Variants in SALL4 observed in about 807,000 individuals in gnomAD.
SALL4 encodes sal-like protein 4.
Under a neutral mutation model 60.8 loss-of-function variants are expected in SALL4, and 4 were observed. The observed-to-expected ratio is 0.07, with a 90% CI of 0.03 to 0.15. The LOEUF (loss-of-function observed/expected upper bound fraction) is 0.15. Among genes scored for constraint, SALL4 ranks in the 10% least tolerant of loss-of-function variants. SALL4 has a pLI of 1.00. For synonymous variants in SALL4, 580 were observed against 574.9 expected (o/e 1.01, Z -0.13); for missense variants, 1,178 against 1,394.7 (o/e 0.84, Z 2.48).
intron 1 of SALL4, among the ~76,000 whole-genome samples, chr20:51,795,081 G>A (rs989463027): frequency 2.0e-5 from 3 of 152,150 alleles, no homozygotes; most frequent in Non-Finnish European, 4.4e-5. Context: ...TAGAGTTCTA[G>A]TAGCAGGTAC....
rs767816886 is a variant in SALL4, at chr20:51,788,982, C to A, written c.2621G>T (p.Arg874Leu). 1 of 1,614,080 alleles carries A rather than the reference C, an allele frequency of 6.2e-7. No individual in the cohort carries two copies. The highest frequency in any genetic ancestry group is 2.2e-5 in the East Asian group (1 of 44,896). ...AGCAGACGAGAAGTTCTTCCCACAC[C>A]GTGTGCAGCCATGTTGCTTGGCCTG... Reference protein sequence around the residue: ...RRQAKQHGCTRCGKNFSSASA... With the variant: ...RRQAKQHGCTLCGKNFSSASA... Residue 874 changes from arginine to leucine, a missense_variant, in exon 3 of 4, where the codon CGG (arginine) becomes CTG (leucine). By Grantham distance (102) the Arg-to-Leu change is moderately radical. Transcript: ENST00000217086. The surrounding 1 kb of genome is among the most constrained non-coding windows in gnomAD (Gnocchi z 4.1).
intron 3 of SALL4, among the ~76,000 whole-genome samples, chr20:51,786,995 T>C (rs2077997316): frequency 6.6e-6 from 1 of 152,176 alleles, no homozygotes; most frequent in Non-Finnish European, 1.5e-5. Context: ...CTCAGGAGGC[T>C]GAGGCAGGAG....
Position 51,790,110 on chromosome 20 carries a change from G to A in SALL4, c.2373C>T (p.Ala791=), listed in dbSNP as rs1307274926. The stretch of plus-strand genomic sequence containing the variant: ...ACTTGATGCTTTCGGCTTGACTATT[G>A]GCCGGGGAGAGTGCCTGGAAGGATG... ...ETTSFQALSP[A]NSQAESIKSK... The change falls in exon 2 of 4, where the codon GCC becomes GCT. Residue 791 remains alanine, a synonymous_variant. Coordinates refer to ENST00000217086, the MANE Select transcript of SALL4 (RefSeq NM_020436.5). This position sits in a 1 kb window ranked among gnomAD's most constrained non-coding sequence, Gnocchi z 5.5. 2.5e-6 allele frequency: 4 copies of A among 1,614,040 alleles called. No homozygotes were observed. The Admixed American group carries it at 5.0e-5, about 20-fold the overall frequency.
intron 3 of SALL4, among the ~76,000 whole-genome samples, chr20:51,785,464 C>A (rs537229386): frequency 6.6e-6 from 1 of 152,274 alleles, no homozygotes; most frequent in East Asian, 1.9e-4. Context: ...CAGGGACTGT[C>A]TGCACTTTAT....
At chr20:51,792,631 G>T in intron 1 of SALL4, 1 of 570,186 alleles carries the variant, frequency 1.8e-6, no homozygotes, top group Non-Finnish European at 2.7e-6. Context: ...AGAGGTTGCA[G>T]TGAGCTGAGA....
chr20:51,788,926 T>A lies in SALL4; in HGVS notation c.2677A>T (p.Thr893Ser). 1 of 1,614,182 alleles carries A rather than the reference T, an allele frequency of 6.2e-7. No individual in the cohort carries two copies. The highest frequency in any genetic ancestry group is 8.5e-7 in the Non-Finnish European group (1 of 1,180,028). The change falls in exon 3 of 4, where the codon ACT becomes TCT. Residue 893 changes from threonine to serine, a missense_variant. This residue lies in a region of SALL4 where 37 missense variants were observed against 73.5 expected (regional missense o/e 0.50). Coordinates refer to ENST00000217086, the MANE Select transcript of SALL4 (RefSeq NM_020436.5). This position sits in a 1 kb window ranked among gnomAD's most constrained non-coding sequence, Gnocchi z 4.1. ...SALQIHERTH[T>S]GEKPFVCNIC... is the part of the protein sequence containing the mutation. ...TTGCACACAAAAGGCTTCTCTCCAG[T>A]GTGAGTCCGCTCGTGGATCTGAAGA...
In SALL4 at chr20:51,784,446, C is replaced by A; in HGVS notation, c.2981G>T (p.Gly994Val). 1 of 1,614,184 alleles carries A rather than the reference C, an allele frequency of 6.2e-7. No individual in the cohort carries two copies. The highest frequency in any genetic ancestry group is 8.5e-7 in the Non-Finnish European group (1 of 1,180,036). The change falls in exon 4 of 4, where the codon GGG becomes GTG. Residue 994 changes from glycine to valine, a missense_variant. This residue lies in a region of SALL4 where 174 missense variants were observed against 169.6 expected (regional missense o/e 1.03). Coordinates refer to ENST00000217086, the MANE Select transcript of SALL4 (RefSeq NM_020436.5). The stretch of plus-strand genomic sequence containing the variant: ...CAAGGAAACCGGGAGGGTAGGAACC[C>A]CCCCACTCTGGATCACAGAGATCTC... ...TNEISVIQSGGVPTLPVSLGA... is the reference protein window; with the variant it reads ...TNEISVIQSGVVPTLPVSLGA...
chr20:51,799,293 A>T (rs572412667), intron 1 of SALL4, among the ~76,000 whole-genome samples: 6 of 152,200 alleles, frequency 3.9e-5, no homozygotes, highest in Non-Finnish European at 7.3e-5. Flanking sequence ...AAACAAAAAA[A>T]CAGAAAACGC....
chr20:51,786,281 A>G (rs1219241941), intron 3 of SALL4, among the ~76,000 whole-genome samples: 1 of 151,570 alleles, frequency 6.6e-6, no homozygotes, highest in Non-Finnish European at 1.5e-5. Flanking sequence ...TTTTTAGTAG[A>G]GACAGGGTTT....
intron 2 of SALL4, 33 bp downstream of exon 2, chr20:51,789,989 A>T (rs1362649424): frequency 1.2e-6 from 2 of 1,613,866 alleles, no homozygotes; most frequent in East Asian, 4.5e-5. Flanking sequence ...TTGAGCCCAA[A>T]ATGGACATAA....
Position 51,792,043 on chromosome 20 carries a change from G to A in SALL4, c.440C>T (p.Pro147Leu), listed in dbSNP as rs779540478. ...TAGGTACACCACAGACTCCGCATCC[G>A]GCTTCTCCTTCATGTCCTCTGAGCT... ...GGSSEDMKEKPDAESVVYLKT... is the reference protein window; with the variant it reads ...GGSSEDMKEKLDAESVVYLKT... The change falls in exon 2 of 4, where the codon CCG (proline) becomes CTG (leucine). Residue 147 changes from proline (P) to leucine (L), a missense_variant. Pro to Leu is a moderately conservative substitution (Grantham distance 98, BLOSUM62 -3). Coordinates refer to ENST00000217086, the MANE Select transcript of SALL4 (RefSeq NM_020436.5). 36 of 1,614,056 alleles carry A rather than the reference G, an allele frequency of 2.2e-5. No individual in the cohort carries two copies. Among genetic ancestry groups the A allele is most frequent in the South Asian group, 2.1e-4 (19 of 91,078 alleles).
At position 51,791,705 on chromosome 20, in the gene SALL4, A is replaced by C; in HGVS notation, c.778T>G (p.Leu260Val). 6.2e-7 allele frequency: 1 copy of C among 1,614,202 alleles called. No homozygotes were observed. Among genetic ancestry groups the C allele is most frequent in the Non-Finnish European group, 8.5e-7 (1 of 1,180,050 alleles). The stretch of plus-strand genomic sequence containing the variant: ...ACCTGCTGAGACATGTGGCTGCCCA[A>C]GGTCTTCAGAGTGTCGGCCCCTGCC... ...SGAGADTLKTLGSHMSQQVSA... is the reference protein window; with the variant it reads ...SGAGADTLKTVGSHMSQQVSA... Residue 260 changes from leucine to valine, a missense_variant, in exon 2 of 4, where the codon TTG becomes GTG. This residue lies in a region of SALL4 where 853 missense variants were observed against 1,036.8 expected (regional missense o/e 0.82). Transcript: ENST00000217086. The surrounding 1 kb of genome is among the most constrained non-coding windows in gnomAD (Gnocchi z 4.6).
rs758978967 is a variant in SALL4 at position 51,792,128 on chromosome 20, C to T, written c.355G>A (p.Val119Ile). 6.2e-7 allele frequency: 1 copy of T among 1,614,196 alleles called. No homozygotes were observed. The highest frequency in any genetic ancestry group is 8.5e-7 in the Non-Finnish European group (1 of 1,180,042). ...PVPSEDFSGA[V>I]LSHQPTSPGS... The stretch of plus-strand genomic sequence containing the variant: ...GGACTGGTGGGCTGGTGGCTCAGTA[C>T]AGCTCCGGAGAAGTCTTCTGAAGGC... Residue 119 changes from valine (V) to isoleucine (I), a missense_variant, in exon 2 of 4, where the codon GTA (valine) becomes ATA (isoleucine). Transcript: ENST00000217086.
rs772639815 is a variant in SALL4, at chr20:51,789,082, C to G, written c.2521G>C (p.Val841Leu). ...RAPPTYVKVE[V>L]PGTFVGPSTL... ...GAGGGTCCCACAAATGTGCCAGGAA[C>G]TTCAACCTTGACATAGGTCGGCGGG... The change falls in exon 3 of 4, where the codon GTT (valine) becomes CTT (leucine). Residue 841 changes from valine (V) to leucine (L), a missense_variant. By Grantham distance (32) the Val-to-Leu change is conservative. Transcript: ENST00000217086. The G allele has an allele frequency of 1.2e-6, 2 of 1,614,106 alleles. No homozygotes were observed. Among genetic ancestry groups the G allele is most frequent in the African/African-American group, 2.7e-5 (2 of 74,942 alleles).
intron 3 of SALL4, among the ~76,000 whole-genome samples, chr20:51,787,722 G>T (rs994504388): frequency 1.3e-5 from 2 of 152,082 alleles, no homozygotes; most frequent in Admixed American, 6.6e-5. Flanking sequence ...GCCCAGGCTG[G>T]TCTTCAACTC....
rs1387176208 is a variant in SALL4, at chr20:51,790,163, T to C, written c.2320A>G (p.Ser774Gly). 2.5e-6 allele frequency: 4 copies of C among 1,614,162 alleles called. No homozygotes were observed. The South Asian group carries it at 3.3e-5, about 13-fold the overall frequency. ...GTTTCCAGGATATCTGGGCTTCGGCTCTGATACTCCTGGTCTCCCATCAGC... is the reference window on the plus strand; with the variant it reads ...GTTTCCAGGATATCTGGGCTTCGGCCCTGATACTCCTGGTCTCCCATCAGC... ...SSLMGDQEYQ[S>G]RSPDILETTS... is the part of the protein sequence containing the mutation. The change falls in exon 2 of 4, where the codon AGC (serine) becomes GGC (glycine). Residue 774 changes from serine to glycine, a missense_variant. By Grantham distance (56) the Ser-to-Gly change is moderately conservative (BLOSUM62 0). Transcript: ENST00000217086. The surrounding 1 kb of genome is among the most constrained non-coding windows in gnomAD (Gnocchi z 5.5).
Position 51,790,406 on chromosome 20 carries a change from C to T in SALL4, c.2077G>A (p.Val693Ile). The T allele has an allele frequency of 1.2e-6, 2 of 1,614,158 alleles. No individual in the cohort carries two copies. Among genetic ancestry groups the T allele is most frequent in the South Asian group, 2.2e-5 (2 of 91,088 alleles). Reference protein sequence around the residue: ...CHDDVIESIDVEEVSSQEAPS... With the variant: ...CHDDVIESIDIEEVSSQEAPS... ...GCCTCCTGGGAGCTGACTTCCTCTACATCGATGCTTTCGATGACATCATCA... is the reference window on the plus strand; with the variant it reads ...GCCTCCTGGGAGCTGACTTCCTCTATATCGATGCTTTCGATGACATCATCA... Residue 693 changes from valine (V) to isoleucine (I), a missense_variant, in exon 2 of 4, where the codon GTA (valine) becomes ATA (isoleucine). Coordinates refer to ENST00000217086, the MANE Select transcript of SALL4 (RefSeq NM_020436.5). The surrounding 1 kb of genome is among the most constrained non-coding windows in gnomAD (Gnocchi z 5.5).
intron 1 of SALL4, among the ~76,000 whole-genome samples, chr20:51,795,685 T>C (rs2078075339): frequency 6.6e-6 from 1 of 152,208 alleles, no homozygotes; most frequent in South Asian, 2.1e-4. Flanking sequence ...TATAGACAGA[T>C]ACAGCTCTTT....
chr20:51,799,038 G>A (rs2078095402), intron 1 of SALL4, among the ~76,000 whole-genome samples: 1 of 152,142 alleles, frequency 6.6e-6, no homozygotes, highest in African/African-American at 2.4e-5. Context: ...TTGAATTAAA[G>A]ATAGCGCACT....
Sources: allele counts gnomAD v4.1 joint callset (sites outside exome capture counted in the v4.1 genomes callset), GRCh38; gene constraint gnomAD v4.1.1; regional missense constraint gnomAD v4.1.1; non-coding constraint Gnocchi (gnomAD v3.1); transcripts MANE v1.5; gene names NCBI Gene and HGNC (gene_info 2026-07-23, HGNC 2026-07-21).